SEC24B: variants seen among roughly 807,000 people sequenced by gnomAD.
SEC24B encodes the protein SEC24 homolog B, COPII component.
SEC24B carries 45 observed loss-of-function variants against 142.8 expected under a neutral mutation model. The ratio of observed to expected loss-of-function variants is 0.32; its 90% CI spans 0.25 to 0.40. The LOEUF is 0.40. Ranked by LOEUF, SEC24B falls within the 10% of genes least tolerant of loss-of-function variation. The pLI, the probability that SEC24B is intolerant of heterozygous loss-of-function variation, is 1.00. For synonymous variants in SEC24B, 574 were observed against 568.2 expected (o/e 1.01, Z -0.15); for missense variants, 1,409 against 1,526.8 (o/e 0.92, Z 1.29).
At chr4:109,510,155 CT>C in intron 8 of SEC24B, 44 bp downstream of exon 8, 1 of 1,005,314 alleles carries the variant, frequency 9.9e-7, no homozygotes, top group Non-Finnish European at 1.5e-6. Context: ...GACATGTATG[CT>C]TATGTACAAG....
In SEC24B at chr4:109,533,557, A is replaced by AG. The variant is rs773348589; in HGVS notation, c.3496-33dup. 3.3e-6 allele frequency: 4 copies of AG among 1,219,632 alleles called. No individual in the cohort carries two copies. In the East Asian group the frequency reaches 9.3e-5, roughly 28 times the overall value. The allele number at this position is 1,219,632 out of a possible 1,614,324, so 75.6% of individuals were successfully genotyped here. Reference sequence around the variant, plus strand: ...CATTAATGAAAATGAATTAACTATTAGGGAGTTTTAATATTTTGTTGCTTT... The same window carrying AG: ...CATTAATGAAAATGAATTAACTATTAGGGGAGTTTTAATATTTTGTTGCTTT... On this transcript the variant is annotated intron_variant, in intron 21 of 23. Transcript: ENST00000265175.
At chr4:109,489,268 G>A (rs1734727623) in intron 4 of SEC24B, among the ~76,000 whole-genome samples, 2 of 151,988 alleles carry the variant, frequency 1.3e-5, no homozygotes, top group South Asian at 2.1e-4. Context: ...TAGTTGTGGT[G>A]TAGGGAAGGG....
intron 21 of SEC24B, 38 bp from the exon 22 acceptor site, chr4:109,533,555 T>C: frequency 1.7e-6 from 2 of 1,210,264 alleles, no homozygotes; most frequent in South Asian, 1.2e-5. Context: ...GAATTAACTA[T>C]TAGGGAGTTT....
intron 18 of SEC24B, among the ~76,000 whole-genome samples, chr4:109,528,777 C>G (rs1724559167): frequency 6.6e-6 from 1 of 152,182 alleles, no homozygotes; most frequent in Admixed American, 6.5e-5. Flanking sequence ...TGCTATTTCC[C>G]ATGTAGTCCT....
chr4:109,463,210 C>T lies in SEC24B; in HGVS notation c.443C>T (p.Ala148Val), dbSNP rs1159134732. The part of the protein sequence containing the change: ...ASSASHLHTS[A>V]SQPYSSFVNH... ...TCAGCATCCCATTTGCATACGAGTG[C>T]CTCCCAACCATACTCCTCTTTTGTG... Residue 148 changes from alanine to valine, a missense_variant, in exon 2 of 24, where the codon GCC (alanine) becomes GTC (valine). Physicochemically the swap from Ala to Val is moderately conservative, Grantham distance 64 (BLOSUM62 0). This residue lies in a region of SEC24B where 709 missense variants were observed against 673.5 expected (regional missense o/e 1.05). Transcript: ENST00000265175. 1 of 1,614,132 alleles carries T rather than the reference C, an allele frequency of 6.2e-7. No individual in the cohort carries two copies.
intron 4 of SEC24B, among the ~76,000 whole-genome samples, chr4:109,485,884 A>C (rs192534308): frequency 6.6e-6 from 1 of 152,296 alleles, no homozygotes; most frequent in Admixed American, 6.5e-5. Context: ...TTGTTCTCCA[A>C]CTTTGAAAAA....
intron 2 of SEC24B, 100 bp downstream of exon 2, chr4:109,463,744 G>A: frequency 4.7e-6 from 7 of 1,484,642 alleles, no homozygotes; most frequent in Non-Finnish European, 6.2e-6. Flanking sequence ...TTGCCTAATA[G>A]AAAAACTGGA....
intron 8 of SEC24B, among the ~76,000 whole-genome samples, chr4:109,511,725 G>C (rs1737357472): frequency 6.6e-6 from 1 of 152,060 alleles, no homozygotes; most frequent in South Asian, 2.1e-4. Flanking sequence ...TTATTTTCTT[G>C]GCCAATGTTT....
chr4:109,453,658 A>G (rs889568225), intron 1 of SEC24B, among the ~76,000 whole-genome samples: 1 of 152,050 alleles, frequency 6.6e-6, no homozygotes, highest in South Asian at 2.1e-4. Flanking sequence ...GTTTAAACAC[A>G]TATGCTCTAC....
intron 10 of SEC24B, among the ~76,000 whole-genome samples, chr4:109,515,141 TC>T (rs565679176): frequency 4.5e-4 from 69 of 152,202 alleles, no homozygotes; most frequent in African/African-American, 1.6e-3. Context: ...CGCTCTGTCA[TC>T]CAGGCTGGAG....
At chr4:109,501,437 C>G (rs1307515573) in intron 6 of SEC24B, among the ~76,000 whole-genome samples, 1 of 152,210 alleles carries the variant, frequency 6.6e-6, no homozygotes, top group Non-Finnish European at 1.5e-5. Flanking sequence ...TAACTATTTC[C>G]TTAAGTGGAA....
intron 4 of SEC24B, among the ~76,000 whole-genome samples, chr4:109,485,508 C>T (rs1356899881): frequency 4.6e-5 from 7 of 152,128 alleles, no homozygotes; most frequent in Non-Finnish European, 4.4e-5. Context: ...TGTTATCTTA[C>T]TCCTGTGTTT....
chr4:109,477,702 A>G (rs182214867), intron 3 of SEC24B, among the ~76,000 whole-genome samples: 120 of 152,298 alleles, frequency 7.9e-4, no homozygotes, highest in African/African-American at 2.7e-3. Flanking sequence ...ATATCTCCAT[A>G]TGACCTAATT....
At chr4:109,439,204 A>C (rs558292267) in intron 1 of SEC24B, among the ~76,000 whole-genome samples, 1 of 152,232 alleles carries the variant, frequency 6.6e-6, no homozygotes, top group Non-Finnish European at 1.5e-5. Context: ...AGAACTCACT[A>C]TGGAAGATGT....
chr4:109,498,894 G>GT (rs75728924), intron 6 of SEC24B, among the ~76,000 whole-genome samples: 38,722 of 151,714 alleles, frequency 0.26, 5,501 homozygotes, highest in East Asian at 0.35. Flanking sequence ...CTTAAAATTT[G>GT]TTTTTTAGGG....
chr4:109,481,270 G>A (rs891393537), intron 3 of SEC24B, among the ~76,000 whole-genome samples: 2 of 152,118 alleles, frequency 1.3e-5, no homozygotes, highest in Non-Finnish European at 2.9e-5. Flanking sequence ...TTTGTATGCT[G>A]TACAAAATCA....
intron 3 of SEC24B, among the ~76,000 whole-genome samples, chr4:109,481,153 T>C (rs1215744348): frequency 6.6e-6 from 1 of 152,026 alleles, no homozygotes; most frequent in Non-Finnish European, 1.5e-5. Flanking sequence ...AGCAGAGAAC[T>C]ATGCCGAATA....
chr4:109,534,325 G>A (rs1219969744), intron 22 of SEC24B, among the ~76,000 whole-genome samples: 1 of 151,718 alleles, frequency 6.6e-6, no homozygotes, highest in Non-Finnish European at 1.5e-5. Flanking sequence ...AGTGGCTCAC[G>A]CCTGTAATCC....
At chr4:109,443,658 G>C (rs1292790693) in intron 1 of SEC24B, among the ~76,000 whole-genome samples, 1 of 152,150 alleles carries the variant, frequency 6.6e-6, no homozygotes, top group Non-Finnish European at 1.5e-5. Context: ...CAGGAGTTCT[G>C]TACCCCTCAG....
Sources: gnomAD v4.1 joint callset for allele counts (sites outside exome capture counted in the v4.1 genomes callset) on GRCh38, gnomAD v4.1.1 for gene constraint, gnomAD v4.1.1 regional missense constraint, MANE v1.5 for transcripts, NCBI Gene and HGNC (gene_info 2026-07-23, HGNC 2026-07-21) for gene names.